CBLB: variants seen among roughly 807,000 people sequenced by gnomAD.
CBLB encodes the protein E3 ubiquitin-protein ligase CBL-B.
Under a neutral mutation model 104.9 loss-of-function variants are expected in CBLB, and 31 were observed. That is an observed-to-expected ratio of 0.30 (90% CI 0.22 to 0.40). CBLB has a LOEUF of 0.40. Ranked by LOEUF, CBLB falls within the 10% of genes least tolerant of loss-of-function variation. The probability of loss-of-function intolerance (pLI) is 1.00; values close to 1 mark genes in which losing one functional copy is unlikely to be tolerated. For synonymous variants in CBLB, 440 were observed against 422.6 expected (o/e 1.04, Z -0.51); for missense variants, 1,062 against 1,214.6 (o/e 0.87, Z 1.87).
At chr3:105,714,191 C>A (rs529106209) in intron 10 of CBLB, among the ~76,000 whole-genome samples, 3 of 152,176 alleles carry the variant, frequency 2.0e-5, no homozygotes, top group African/African-American at 7.2e-5. Flanking sequence ...ACACACACCC[C>A]TTTCCTTAGG....
At chr3:105,663,015 CGA>C (rs1491011481) in intron 18 of CBLB, among the ~76,000 whole-genome samples, 3 of 132,338 alleles carry the variant, frequency 2.3e-5, no homozygotes, top group East Asian at 2.4e-4. Flanking sequence ...ACCGTCACTA[CGA>C]GAGTTACTAC....
intron 3 of CBLB, among the ~76,000 whole-genome samples, chr3:105,840,301 AAG>A (rs1337507326): frequency 1.3e-5 from 2 of 152,194 alleles, no homozygotes; most frequent in Admixed American, 1.3e-4. Context: ...GTGAGAAAGG[AAG>A]AGATATTTAC....
chr3:105,798,490 T>C (rs2082484826), intron 3 of CBLB, among the ~76,000 whole-genome samples: 1 of 152,190 alleles, frequency 6.6e-6, no homozygotes, highest in African/African-American at 2.4e-5. Flanking sequence ...CGTTACATTA[T>C]AACCACTCAG....
chr3:105,689,626 G>A (rs912829476), intron 13 of CBLB, among the ~76,000 whole-genome samples: 1 of 149,396 alleles, frequency 6.7e-6, no homozygotes, highest in Non-Finnish European at 1.5e-5. Context: ...TGTGTGCCAA[G>A]TAAAATAAAT....
intron 2 of CBLB, among the ~76,000 whole-genome samples, chr3:105,859,546 T>C (rs1014164391): frequency 5.9e-5 from 9 of 151,560 alleles, no homozygotes; most frequent in African/African-American, 1.7e-4. Flanking sequence ...TCCCAGGAAC[T>C]TGGGAGGCTG....
intron 5 of CBLB, 89 bp downstream of exon 5, chr3:105,751,373 T>G: frequency 1.2e-6 from 1 of 864,190 alleles, no homozygotes; most frequent in East Asian, 2.6e-5. Context: ...TGTGTGTGTG[T>G]GAGAGAGAGA....
intron 4 of CBLB, among the ~76,000 whole-genome samples, chr3:105,765,838 TA>T (rs561450380): frequency 7.2e-5 from 11 of 152,326 alleles, no homozygotes; most frequent in Admixed American, 2.0e-4. Context: ...TCATGTCTTC[TA>T]ACACAGTACT....
At chr3:105,767,462 C>A (rs1252345487) in intron 4 of CBLB, among the ~76,000 whole-genome samples, 1 of 151,968 alleles carries the variant, frequency 6.6e-6, no homozygotes, top group Non-Finnish European at 1.5e-5. Context: ...TATAAATAAA[C>A]CATTTTCCCC....
chr3:105,772,364 A>C (rs2078969869), intron 4 of CBLB, among the ~76,000 whole-genome samples: 1 of 152,246 alleles, frequency 6.6e-6, no homozygotes, highest in Non-Finnish European at 1.5e-5. Flanking sequence ...CTTATTAAAA[A>C]ATCAACTCAA....
chr3:105,857,159 A>AT (rs1478426209), intron 2 of CBLB, among the ~76,000 whole-genome samples: 1 of 151,974 alleles, frequency 6.6e-6, no homozygotes, highest in South Asian at 2.1e-4. Context: ...TCTGTCAGGT[A>AT]TTTTTTTTCC....
intron 3 of CBLB, among the ~76,000 whole-genome samples, chr3:105,846,278 C>T (rs948714149): frequency 1.3e-5 from 2 of 151,846 alleles, no homozygotes; most frequent in Admixed American, 6.6e-5. Flanking sequence ...AAAGGAGAAA[C>T]AGAAAAACTA....
At chr3:105,661,689 C>G (rs1300375850) in intron 18 of CBLB, among the ~76,000 whole-genome samples, 1 of 152,124 alleles carries the variant, frequency 6.6e-6, no homozygotes, top group Non-Finnish European at 1.5e-5. Context: ...ACGAATGCCT[C>G]TAATAAATGG....
Position 105,695,807 on chromosome 3 carries a change from G to T in CBLB, c.1960-2219C>A, listed in dbSNP as rs548948224. On this transcript the variant is annotated intron_variant, in intron 12 of 18. Coordinates refer to ENST00000394030, the MANE Select transcript of CBLB (RefSeq NM_170662.5). ...TTACGTTTTGTCAAGGAGAATTTAG[G>T]CCACACTGGGCCTCTTTCAGGACAA... 5.9e-5 allele frequency among the ~76,000 whole-genome samples: 9 copies of T among 151,752 alleles called. No homozygotes were observed. The East Asian group carries it at 1.7e-3, about 29-fold the overall frequency.
intron 10 of CBLB, among the ~76,000 whole-genome samples, chr3:105,718,414 T>G (rs764182776): frequency 1.3e-5 from 2 of 152,190 alleles, no homozygotes; most frequent in Non-Finnish European, 2.9e-5. Flanking sequence ...CCTAAGGGAA[T>G]GTATTTGGTC....
At position 105,694,187 on chromosome 3, in the gene CBLB, A is replaced by G. The variant is rs2068053880; in HGVS notation, c.1960-599T>C. Among the ~76,000 whole-genome samples, 3 of 151,894 alleles carry G rather than the reference A, an allele frequency of 2.0e-5. No homozygotes were observed. In the South Asian group the frequency reaches 6.2e-4, roughly 32 times the overall value. ...AAATTTTCAGTTTGTGAACACACAAACCACAATTTCTAACTTGCTCATATG... is the reference window on the plus strand; with the variant it reads ...AAATTTTCAGTTTGTGAACACACAAGCCACAATTTCTAACTTGCTCATATG... On this transcript the variant is annotated intron_variant, in intron 12 of 18. Transcript: ENST00000394030.
intron 3 of CBLB, among the ~76,000 whole-genome samples, chr3:105,846,204 G>C (rs2090228007): frequency 6.6e-6 from 1 of 151,688 alleles, no homozygotes; most frequent in Admixed American, 6.6e-5. Context: ...TTTTCTACTT[G>C]CAATTGGTCC....
intron 10 of CBLB, among the ~76,000 whole-genome samples, chr3:105,717,531 A>T: frequency 6.6e-6 from 1 of 152,228 alleles, no homozygotes; most frequent in Non-Finnish European, 1.5e-5. Context: ...ATGTAAAATC[A>T]TTTTTAACTT....
chr3:105,765,975 C>T (rs1468116424), intron 4 of CBLB, among the ~76,000 whole-genome samples: 3 of 152,074 alleles, frequency 2.0e-5, no homozygotes, highest in African/African-American at 7.2e-5. Context: ...TTCAAAACCT[C>T]GTGGAAAGGA....
intron 6 of CBLB, among the ~76,000 whole-genome samples, chr3:105,741,675 A>G (rs978642034): frequency 3.3e-5 from 5 of 151,184 alleles, no homozygotes; most frequent in Non-Finnish European, 4.4e-5. Flanking sequence ...GATTACAGGC[A>G]TGAGCCACCG....
Sources: allele counts gnomAD v4.1 joint callset (sites outside exome capture counted in the v4.1 genomes callset), GRCh38; gene constraint gnomAD v4.1.1; transcripts MANE v1.5; gene names NCBI Gene and HGNC (gene_info 2026-07-23, HGNC 2026-07-21).